CC2D2A: variants seen among roughly 807,000 people sequenced by gnomAD.
The protein encoded by CC2D2A is coiled-coil and C2 domain-containing protein 2A.
CC2D2A carries 155 observed loss-of-function variants against 212.9 expected under a neutral mutation model. The observed-to-expected ratio is 0.73, with a 90% CI of 0.64 to 0.83. CC2D2A has a LOEUF of 0.83. Ranked by LOEUF, CC2D2A falls within the 40% of genes least tolerant of loss-of-function variation. The pLI, the probability that CC2D2A is intolerant of heterozygous loss-of-function variation, is 0.00. For missense variants in CC2D2A, 1,856 were observed against 1,956.2 expected, an observed-to-expected ratio of 0.95 and a Z score of 0.97; for synonymous variants, 667 against 686.5, an observed-to-expected ratio of 0.97 and a Z score of 0.44.
At chr4:15,475,414 G>A (rs1354760324) in intron 1 of CC2D2A, among the ~76,000 whole-genome samples, 1 of 152,142 alleles carries the variant, frequency 6.6e-6, no homozygotes, top group Non-Finnish European at 1.5e-5. Context: ...CAAGGGCCTG[G>A]AGGAGGAGGA....
chr4:15,491,145 C>T (rs1715284094), intron 4 of CC2D2A, among the ~76,000 whole-genome samples: 2 of 152,138 alleles, frequency 1.3e-5, no homozygotes, highest in South Asian at 2.1e-4. Flanking sequence ...GATAAACTTA[C>T]TCGTAACTTT....
chr4:15,586,075 T>G, intron 30 of CC2D2A, 82 bp from the exon 31 acceptor site: 7 of 913,796 alleles, frequency 7.7e-6, no homozygotes, highest in Non-Finnish European at 1.2e-5. Context: ...TTGTAATATT[T>G]GAGATTTAAG....
At chr4:15,504,422 A>C (rs145336582) in intron 6 of CC2D2A, among the ~76,000 whole-genome samples, 2 of 152,340 alleles carry the variant, frequency 1.3e-5, no homozygotes, top group African/African-American at 4.8e-5. Context: ...TCAGCTTGCC[A>C]AAAGAACTTT....
intron 23 of CC2D2A, among the ~76,000 whole-genome samples, chr4:15,563,077 C>A (rs1324669078): frequency 6.6e-6 from 1 of 152,216 alleles, no homozygotes; most frequent in Non-Finnish European, 1.5e-5. Flanking sequence ...GTTTGAGGAA[C>A]TGGTGGGTGA....
chr4:15,574,264 T>C lies in CC2D2A; in HGVS notation c.3709T>C (p.Tyr1237His). 6.4e-7 allele frequency: 1 copy of C among 1,551,626 alleles called. No homozygotes were observed. The highest frequency in any genetic ancestry group is 1.2e-5 in the South Asian group (1 of 84,062). Reference sequence around the variant, plus strand: ...TGTCCGAAGCTTAAGTGAAGGCTCCTACATTACCCTCTTTATTACCATTGA... The same window carrying C: ...TGTCCGAAGCTTAAGTGAAGGCTCCCACATTACCCTCTTTATTACCATTGA... ...DSVRSLSEGS[Y>H]ITLFITIEPQ... Residue 1237 changes from tyrosine to histidine, a missense_variant, in exon 29 of 37, where the codon TAC (tyrosine) becomes CAC (histidine). Tyr to His is a moderately conservative substitution (Grantham distance 83). This residue lies in a region of CC2D2A where 1,512 missense variants were observed against 1,579.3 expected (regional missense o/e 0.96). Transcript: ENST00000424120.
chr4:15,521,403 C>A (rs1214625517), intron 11 of CC2D2A, among the ~76,000 whole-genome samples: 2 of 152,122 alleles, frequency 1.3e-5, no homozygotes, highest in East Asian at 1.9e-4. Flanking sequence ...TTTACTTTAA[C>A]CTTTTCCTTC....
chr4:15,572,392 TG>T (rs1720210563), intron 28 of CC2D2A, among the ~76,000 whole-genome samples: 1 of 152,192 alleles, frequency 6.6e-6, no homozygotes. Flanking sequence ...TGAACTTTTT[TG>T]TTTCTATGTT....
chr4:15,478,688 T>C, intron 2 of CC2D2A, 35 bp from the exon 3 acceptor site: 1 of 1,488,328 alleles, frequency 6.7e-7, no homozygotes, highest in South Asian at 1.2e-5. Flanking sequence ...TCTCTTCCTG[T>C]CTTAAGATTC....
At chr4:15,540,011 C>T (rs1718337930) in intron 16 of CC2D2A, among the ~76,000 whole-genome samples, 1 of 152,068 alleles carries the variant, frequency 6.6e-6, no homozygotes, top group Non-Finnish European at 1.5e-5. Context: ...GGTTAGACAA[C>T]ATAGTAATTG....
intron 6 of CC2D2A, among the ~76,000 whole-genome samples, chr4:15,509,158 C>T (rs1017444236): frequency 6.6e-6 from 1 of 152,080 alleles, no homozygotes; most frequent in African/African-American, 2.4e-5. Context: ...GGCCATGTAC[C>T]CTGGAGGATG....
chr4:15,533,974 G>A (rs1012057945), intron 14 of CC2D2A, among the ~76,000 whole-genome samples: 6 of 152,194 alleles, frequency 3.9e-5, no homozygotes, highest in East Asian at 3.8e-4. Flanking sequence ...GGGGGTTCTC[G>A]TAGGTGCTTA....
At chr4:15,567,270 C>A in intron 24 of CC2D2A, 107 bp from the exon 25 acceptor site, 1 of 831,702 alleles carries the variant, frequency 1.2e-6, no homozygotes, top group Non-Finnish European at 1.9e-6. Flanking sequence ...TGCACTTCAG[C>A]TTGGGCGACA....
At chr4:15,479,324 T>C in intron 3 of CC2D2A, 2 of 1,535,660 alleles carry the variant, frequency 1.3e-6, no homozygotes, top group Non-Finnish European at 1.7e-6. Flanking sequence ...GTAAATCTTT[T>C]CAAGGTAAGT....
intron 2 of CC2D2A, 125 bp downstream of exon 2, chr4:15,476,096 C>T: frequency 1.3e-6 from 1 of 785,930 alleles, no homozygotes; most frequent in Non-Finnish European, 2.0e-6. Context: ...AAAAGCTTTA[C>T]ATGAATTAGA....
rs779340568 is a variant in CC2D2A at position 15,601,373 on chromosome 4, A to G, written c.4811A>G (p.Lys1604Arg). Residue 1604 changes from lysine to arginine, a missense_variant, in exon 37 of 37, where the codon AAA (lysine) becomes AGA (arginine). Coordinates refer to ENST00000424120, the MANE Select transcript of CC2D2A (RefSeq NM_001378615.1). The stretch of plus-strand genomic sequence containing the variant: ...GCTGTATACATACACCCATACCCCA[A>G]AAATGTTTTGTCTGTTTGGATCTAT... ...ALAVYIHPYP[K>R]NVLSVWIYVA... The G allele has an allele frequency of 2.0e-5, 31 of 1,581,542 alleles. No homozygotes were observed. The South Asian group carries it at 3.2e-4, about 16-fold the overall frequency.
At chr4:15,523,114 CAAA>C (rs142926881) in intron 11 of CC2D2A, among the ~76,000 whole-genome samples, 2 of 132,416 alleles carry the variant, frequency 1.5e-5, no homozygotes, top group African/African-American at 2.7e-5. Flanking sequence ...AACTCCATCT[CAAA>C]AAAAAAAAAA....
chr4:15,524,156 C>A (rs1328342665), intron 11 of CC2D2A, among the ~76,000 whole-genome samples: 2 of 152,158 alleles, frequency 1.3e-5, no homozygotes, highest in African/African-American at 4.8e-5. Context: ...TGTTTTGAGA[C>A]ACAGCCTCGC....
chr4:15,517,330 C>T (rs1425984896), intron 11 of CC2D2A, among the ~76,000 whole-genome samples: 2 of 152,114 alleles, frequency 1.3e-5, no homozygotes, highest in Non-Finnish European at 2.9e-5. Context: ...TCCAGGTTAG[C>T]TACACTTATT....
chr4:15,494,236 G>A (rs948342317), intron 4 of CC2D2A, among the ~76,000 whole-genome samples: 1 of 152,134 alleles, frequency 6.6e-6, no homozygotes, highest in South Asian at 2.1e-4. Context: ...CCAAGCCTGC[G>A]CCATCTGCTG....
Sources: gnomAD v4.1 joint callset for allele counts (sites outside exome capture counted in the v4.1 genomes callset) on GRCh38, gnomAD v4.1.1 for gene constraint, gnomAD v4.1.1 regional missense constraint, MANE v1.5 for transcripts, NCBI Gene and HGNC (gene_info 2026-07-23, HGNC 2026-07-21) for gene names.